The following SMYD3 variants were observed in gnomAD, a reference collection of about 807,000 sequenced individuals.
The protein encoded by SMYD3 is histone-lysine N-methyltransferase SMYD3.
A neutral mutation model predicts 57.7 loss-of-function variants in SMYD3; 36 were observed. That is an observed-to-expected ratio of 0.62 (90% CI 0.48 to 0.82). The LOEUF is 0.82. Ranked by LOEUF, SMYD3 falls within the 40% of genes least tolerant of loss-of-function variation. The pLI, the probability that SMYD3 is intolerant of heterozygous loss-of-function variation, is 0.00. For missense variants in SMYD3, 515 were observed against 538.8 expected, an observed-to-expected ratio of 0.96 and a Z score of 0.44; for synonymous variants, 211 against 195.0, an observed-to-expected ratio of 1.08 and a Z score of -0.68.
chr1:245,876,800 C>G (rs138128905), intron 8 of SMYD3, among the ~76,000 whole-genome samples: 31 of 152,300 alleles, frequency 2.0e-4, no homozygotes, highest in East Asian at 7.7e-4. Flanking sequence ...TGTATCATTT[C>G]TAAATACCGC....
At chr1:246,167,468 T>G (rs2062236811) in intron 5 of SMYD3, among the ~76,000 whole-genome samples, 1 of 151,996 alleles carries the variant, frequency 6.6e-6, no homozygotes. Context: ...TTCTATTACA[T>G]TTAATAGTAA....
intron 2 of SMYD3, among the ~76,000 whole-genome samples, chr1:246,350,149 A>C (rs532595499): frequency 6.6e-6 from 1 of 152,336 alleles, no homozygotes; most frequent in East Asian, 1.9e-4. Flanking sequence ...GTTAAATGTC[A>C]CCTCTACAGG....
chr1:245,837,790 G>T (rs1237709004), intron 10 of SMYD3, among the ~76,000 whole-genome samples: 1 of 152,136 alleles, frequency 6.6e-6, no homozygotes, highest in African/African-American at 2.4e-5. Context: ...ATCTCCTCTA[G>T]GCACCGCCAG....
chr1:245,802,230 A>G (rs756337614), intron 10 of SMYD3, among the ~76,000 whole-genome samples: 1 of 152,156 alleles, frequency 6.6e-6, no homozygotes, highest in Non-Finnish European at 1.5e-5. Flanking sequence ...GGGAGATTTG[A>G]CTTGGTAGTG....
chr1:245,875,155 T>C (rs1302327183), intron 8 of SMYD3, among the ~76,000 whole-genome samples: 3 of 152,224 alleles, frequency 2.0e-5, no homozygotes, highest in Non-Finnish European at 4.4e-5. Flanking sequence ...GAGGACCTCT[T>C]TGTAATGTCA....
chr1:246,144,304 A>G (rs1446814785), intron 5 of SMYD3, among the ~76,000 whole-genome samples: 1 of 152,160 alleles, frequency 6.6e-6, no homozygotes, highest in African/African-American at 2.4e-5. Context: ...TTCTCAATTA[A>G]ATTTATTGAA....
chr1:245,899,245 A>G (rs2054027325), intron 8 of SMYD3, among the ~76,000 whole-genome samples: 1 of 149,846 alleles, frequency 6.7e-6, no homozygotes, highest in South Asian at 2.1e-4. Flanking sequence ...AGCTGAATTT[A>G]CCTCTGTATT....
At chr1:245,958,444 T>G (rs1387463783) in intron 5 of SMYD3, among the ~76,000 whole-genome samples, 2 of 152,206 alleles carry the variant, frequency 1.3e-5, no homozygotes, top group Admixed American at 6.5e-5. Context: ...AGTGCTGTGC[T>G]GATGAATGTA....
At chr1:245,960,786 T>G (rs1280802601) in intron 5 of SMYD3, among the ~76,000 whole-genome samples, 1 of 152,238 alleles carries the variant, frequency 6.6e-6, no homozygotes, top group Non-Finnish European at 1.5e-5. Flanking sequence ...ACTTTAATCC[T>G]GAATTTATAG....
At chr1:246,040,052 C>A (rs2059841754) in intron 5 of SMYD3, among the ~76,000 whole-genome samples, 1 of 152,208 alleles carries the variant, frequency 6.6e-6, no homozygotes, top group African/African-American at 2.4e-5. Context: ...TAAGACATTT[C>A]TCCCGGCTAG....
intron 9 of SMYD3, among the ~76,000 whole-genome samples, chr1:245,862,198 T>C (rs2051588043): frequency 6.6e-6 from 1 of 152,220 alleles, no homozygotes; most frequent in African/African-American, 2.4e-5. Context: ...CTATATCCTT[T>C]TTAATACTTC....
chr1:245,774,814 C>T (rs974800079), intron 10 of SMYD3, among the ~76,000 whole-genome samples: 13 of 152,226 alleles, frequency 8.5e-5, no homozygotes, highest in Non-Finnish European at 1.9e-4. Flanking sequence ...GATTCTCCTG[C>T]CTCAGCCTGC....
intron 5 of SMYD3, among the ~76,000 whole-genome samples, chr1:246,062,334 C>T (rs1019995061): frequency 3.3e-5 from 5 of 152,148 alleles, no homozygotes; most frequent in African/African-American, 1.2e-4. Flanking sequence ...CGAGAAAAAA[C>T]ATCCATCAGG....
At chr1:245,789,658 T>A (rs1049381799) in intron 10 of SMYD3, among the ~76,000 whole-genome samples, 3 of 152,222 alleles carry the variant, frequency 2.0e-5, no homozygotes, top group Non-Finnish European at 4.4e-5. Context: ...CAGAGAATTT[T>A]ATAAGCTCTA....
At chr1:245,994,459 C>T (rs190734851) in intron 5 of SMYD3, among the ~76,000 whole-genome samples, 86 of 152,266 alleles carry the variant, frequency 5.6e-4, no homozygotes, top group South Asian at 3.1e-3. Flanking sequence ...TGGCTAGAGA[C>T]GCTGTGAGAG....
At chr1:246,206,227 A>G (rs2062998208) in intron 5 of SMYD3, among the ~76,000 whole-genome samples, 1 of 152,084 alleles carries the variant, frequency 6.6e-6, no homozygotes, top group South Asian at 2.1e-4. Context: ...AAAGAAAAAC[A>G]AATTAATCCA....
chr1:246,309,876 GA>G (rs908017042), intron 5 of SMYD3, among the ~76,000 whole-genome samples: 1 of 152,034 alleles, frequency 6.6e-6, no homozygotes, highest in Admixed American at 6.5e-5. Context: ...AAAGAAAAAA[GA>G]AAAAGATTTA....
intron 5 of SMYD3, among the ~76,000 whole-genome samples, chr1:246,058,676 G>A (rs2060197417): frequency 1.3e-5 from 2 of 152,100 alleles, no homozygotes; most frequent in Admixed American, 1.3e-4. Context: ...TGGCAGTCTA[G>A]AAGCCATATA....
intron 8 of SMYD3, among the ~76,000 whole-genome samples, chr1:245,908,927 C>A (rs1437495376): frequency 6.6e-6 from 1 of 151,850 alleles, no homozygotes; most frequent in Non-Finnish European, 1.5e-5. Flanking sequence ...AAGAATAAAC[C>A]AACATCAAAA....
Sources: gnomAD v4.1 joint callset for allele counts (sites outside exome capture counted in the v4.1 genomes callset) on GRCh38, gnomAD v4.1.1 for gene constraint, MANE v1.5 for transcripts, NCBI Gene and HGNC (gene_info 2026-07-23, HGNC 2026-07-21) for gene names.